NLRC5: variants seen among roughly 807,000 people sequenced by gnomAD.
The protein encoded by NLRC5 is NLR family CARD domain containing 5.
NLRC5 carries 114 observed loss-of-function variants against 206.9 expected under a neutral mutation model. The observed-to-expected ratio is 0.55, with a 90% CI of 0.47 to 0.64. The LOEUF is 0.64. Among genes scored for constraint, NLRC5 ranks in the 30% least tolerant of loss-of-function variants. The pLI is 0.00. For missense variants in NLRC5, 2,008 were observed against 2,305.5 expected, an observed-to-expected ratio of 0.87 and a Z score of 2.64; for synonymous variants, 952 against 962.8, an observed-to-expected ratio of 0.99 and a Z score of 0.21.
chr16:56,996,103 G>A (rs1318779887), intron 1 of NLRC5, among the ~76,000 whole-genome samples: 1 of 152,148 alleles, frequency 6.6e-6, no homozygotes, highest in Admixed American at 6.5e-5. Context: ...TCAGAGCCCT[G>A]GGTCTGCAGC....
At chr16:57,009,115 A>T (rs1373701835) in intron 1 of NLRC5, among the ~76,000 whole-genome samples, 3 of 151,746 alleles carry the variant, frequency 2.0e-5, no homozygotes, top group African/African-American at 7.3e-5. Context: ...ACATGGTGAA[A>T]CCCCGTCTCT....
chr16:57,049,171 T>C (rs2064460593), intron 23 of NLRC5, among the ~76,000 whole-genome samples: 1 of 152,172 alleles, frequency 6.6e-6, no homozygotes, highest in African/African-American at 2.4e-5. Context: ...TACGAATTTT[T>C]GTTAGGCCGT....
chr16:56,995,167 G>A (rs763509049), intron 1 of NLRC5, among the ~76,000 whole-genome samples: 10 of 152,072 alleles, frequency 6.6e-5, no homozygotes, highest in Non-Finnish European at 1.5e-4. Context: ...AGGGAGACTC[G>A]GTCTCAAAAA....
chr16:56,994,648 T>G (rs1160438375), intron 1 of NLRC5, among the ~76,000 whole-genome samples: 1 of 151,656 alleles, frequency 6.6e-6, no homozygotes, highest in African/African-American at 2.4e-5. Flanking sequence ...GTTGGGACAT[T>G]TGAGAGAGAA....
Position 57,041,436 on chromosome 16 carries a change from C to T in NLRC5, c.2940-49C>T, listed in dbSNP as rs563870206. On this transcript the variant is annotated intron_variant, in intron 17 of 48. Transcript: ENST00000688547. ...GGGGGGTGGGAAAGCGGCTCCTTCC[C>T]GCCTCTGTTCAGTGGGGCATGCAGC... 6.5e-5 allele frequency: 100 copies of T among 1,540,336 alleles called. 2 individuals carry two copies. Among genetic ancestry groups the T allele is most frequent in the Admixed American group, 6.2e-4 (36 of 58,120 alleles).
At chr16:57,031,115 A>AG (rs1597256690) in intron 10 of NLRC5, among the ~76,000 whole-genome samples, 1 of 150,326 alleles carries the variant, frequency 6.7e-6, no homozygotes, top group African/African-American at 2.5e-5. Flanking sequence ...TTAAAAAGAA[A>AG]GGAAAAAAAA....
At position 57,058,564 on chromosome 16, in the gene NLRC5, C is replaced by A. The variant is rs1319437731; in HGVS notation, c.3831-408C>A. The A allele has an allele frequency of 1.9e-5, 6 of 316,374 alleles. No individual in the cohort carries two copies. The East Asian group carries it at 4.3e-4, about 23-fold the overall frequency. The allele number at this position is 316,374 out of a possible 1,614,324, so 19.6% of individuals were successfully genotyped here. On this transcript the variant is annotated intron_variant, in intron 28 of 48. Coordinates refer to ENST00000688547, the MANE Select transcript of NLRC5 (RefSeq NM_001384950.1). Reference sequence around the variant, plus strand: ...AGATGTCCCTGTGGCAGGCAAGGGGCCTTAGGAAGTCATCCACATGGTTGC... The same window carrying A: ...AGATGTCCCTGTGGCAGGCAAGGGGACTTAGGAAGTCATCCACATGGTTGC...
At chr16:57,002,860 G>A (rs1157703667) in intron 1 of NLRC5, among the ~76,000 whole-genome samples, 1 of 152,038 alleles carries the variant, frequency 6.6e-6, no homozygotes, top group Non-Finnish European at 1.5e-5. Context: ...GGCGAGGATG[G>A]TCTCAATCTC....
intron 1 of NLRC5, among the ~76,000 whole-genome samples, chr16:57,003,522 T>C (rs2058545083): frequency 6.6e-6 from 1 of 152,140 alleles, no homozygotes; most frequent in Non-Finnish European, 1.5e-5. Flanking sequence ...GACACCTGCA[T>C]CCTTCTTCCG....
intron 3 of NLRC5, among the ~76,000 whole-genome samples, chr16:57,021,752 G>A (rs1475792990): frequency 2.6e-5 from 4 of 152,186 alleles, no homozygotes; most frequent in Admixed American, 1.3e-4. Flanking sequence ...CTACTGATCC[G>A]TGGGGATTTC....
chr16:57,078,961 G>T, intron 43 of NLRC5, 89 bp from the exon 44 acceptor site: 1 of 1,155,894 alleles, frequency 8.7e-7, no homozygotes, highest in East Asian at 2.4e-5. Context: ...CTGTCTACGG[G>T]CTGGCACTGC....
chr16:57,059,248 C>G, intron 29 of NLRC5, 187 bp downstream of exon 29: 3 of 1,475,442 alleles, frequency 2.0e-6, no homozygotes, highest in Non-Finnish European at 2.7e-6. Flanking sequence ...CCCTGATGCC[C>G]GGGTGCCATG....
At chr16:57,067,498 C>A (rs370719962) in intron 35 of NLRC5, 28 bp downstream of exon 35, 15 of 1,606,292 alleles carry the variant, frequency 9.3e-6, no homozygotes, top group South Asian at 2.2e-5. Flanking sequence ...CTGTGTGGGG[C>A]CCTGAGTTCT....
chr16:57,036,164 C>T lies in NLRC5; in HGVS notation c.2692C>T (p.His898Tyr). The T allele has an allele frequency of 6.2e-7, 1 of 1,613,418 alleles. No individual in the cohort carries two copies. Among genetic ancestry groups the T allele is most frequent in the Non-Finnish European group, 8.5e-7 (1 of 1,179,962 alleles). The change falls in exon 14 of 49, where the codon CAC (histidine) becomes TAC (tyrosine). Residue 898 changes from histidine to tyrosine, a missense_variant. His to Tyr is a moderately conservative substitution (Grantham distance 83). Coordinates refer to ENST00000688547, the MANE Select transcript of NLRC5 (RefSeq NM_001384950.1). ...GATGGCAGAGGCTGCATCCCAGCTG[C>T]ACATCGCCAGGAAGCTGGAGTGAGT... ...RLMAEAASQL[H>Y]IARKLDLSNN...
At chr16:57,054,704 G>T in intron 24 of NLRC5, 47 bp from the exon 25 acceptor site, 9 of 1,430,668 alleles carry the variant, frequency 6.3e-6, no homozygotes, top group Non-Finnish European at 8.9e-6. Context: ...GGCTAGCCAG[G>T]TTCCTTGTCC....
intron 21 of NLRC5, 55 bp downstream of exon 21, chr16:57,045,547 G>A (rs913227841): frequency 1.7e-5 from 27 of 1,566,094 alleles, no homozygotes; most frequent in Non-Finnish European, 2.3e-5. Context: ...GTCCCCGTCT[G>A]TTGGAGGTCC....
At chr16:57,005,620 T>C (rs1228464710) in intron 1 of NLRC5, among the ~76,000 whole-genome samples, 1 of 151,984 alleles carries the variant, frequency 6.6e-6, no homozygotes, top group African/African-American at 2.4e-5. Context: ...AACACATGCA[T>C]ATGGTATAAC....
rs184981469 is a variant in NLRC5 at position 57,018,157 on chromosome 16, C to G, written c.-13+969C>G. ...TACTTCCATCTGGTGCCATGCTGCC[C>G]TGGACCATTTCTTCATGGGTAGCAT... On this transcript the variant is annotated intron_variant, in intron 2 of 48. Coordinates refer to ENST00000688547, the MANE Select transcript of NLRC5 (RefSeq NM_001384950.1). Among the ~76,000 whole-genome samples the G allele has an allele frequency of 2.0e-5, 3 of 152,364 alleles. No individual in the cohort carries two copies. In the East Asian group the frequency reaches 5.8e-4, roughly 29 times the overall value.
chr16:57,005,191 G>A (rs1207770789), intron 1 of NLRC5, among the ~76,000 whole-genome samples: 3 of 152,184 alleles, frequency 2.0e-5, no homozygotes, highest in African/African-American at 7.2e-5. Flanking sequence ...GTTTGCAGTA[G>A]CTCTTCTTTC....
Sources: gnomAD v4.1 joint callset for allele counts (sites outside exome capture counted in the v4.1 genomes callset) on GRCh38, gnomAD v4.1.1 for gene constraint, MANE v1.5 for transcripts, NCBI Gene and HGNC (gene_info 2026-07-23, HGNC 2026-07-21) for gene names.